The following PDC variants were observed in gnomAD, a reference collection of about 807,000 sequenced individuals.
PDC encodes 33 kDa phototransducing protein.
A neutral mutation model predicts 22.2 loss-of-function variants in PDC; 19 were observed. The ratio of observed to expected loss-of-function variants is 0.86; its 90% confidence interval spans 0.60 to 1.26. The LOEUF is 1.26. Ranked by LOEUF, PDC falls within the 50% of genes most tolerant of loss-of-function variation. PDC has a pLI of 0.00. For synonymous variants in PDC, 97 were observed against 96.2 expected (o/e 1.01, Z -0.05); for missense variants, 274 against 286.8 (o/e 0.96, Z 0.32).
At chr1:186,450,756 C>T (rs1571723340) in intron 1 of PDC, among the ~76,000 whole-genome samples, 1 of 152,180 alleles carries the variant, frequency 6.6e-6, no homozygotes, top group African/African-American at 2.4e-5. Flanking sequence ...GGTTCACACT[C>T]ATATCAAATC....
intron 1 of PDC, among the ~76,000 whole-genome samples, chr1:186,459,102 C>A (rs578226956): frequency 1.3e-3 from 201 of 152,200 alleles, no homozygotes; most frequent in Middle Eastern, 6.8e-3. Flanking sequence ...GCGCAGGTTG[C>A]AGTGAGCCGA....
Position 186,449,766 on chromosome 1 carries a change from C to T in PDC, c.-24-283G>A, listed in dbSNP as rs188425978. ...TTGTCTTTTCTTAACTCAAGCCTTCCAGTTAAGTCTATGTGGTTAGTGAAC... is the reference window on the plus strand; with the variant it reads ...TTGTCTTTTCTTAACTCAAGCCTTCTAGTTAAGTCTATGTGGTTAGTGAAC... On this transcript the variant is annotated intron_variant, in intron 1 of 3. Transcript: ENST00000391997. Among the ~76,000 whole-genome samples the T allele has an allele frequency of 2.7e-3, 405 of 152,118 alleles. 3 individuals are homozygous for T. The highest frequency in any genetic ancestry group is 1.0e-3 in the Non-Finnish European group (70 of 67,976).
At chr1:186,446,363 A>G (rs1485621788) in intron 3 of PDC, 63 bp downstream of exon 3, 3 of 1,219,354 alleles carry the variant, frequency 2.5e-6, no homozygotes, top group Non-Finnish European at 3.4e-6. Flanking sequence ...GTGATTCTCT[A>G]GATTGATTTA....
chr1:186,460,092 G>A (rs1361251435), intron 1 of PDC, among the ~76,000 whole-genome samples: 9 of 151,792 alleles, frequency 5.9e-5, no homozygotes, highest in Admixed American at 3.3e-4. Context: ...ACAAACCACC[G>A]CCACAACAAC....
Position 186,453,697 on chromosome 1 carries a change from C to T in PDC, c.-24-4214G>A, listed in dbSNP as rs182505676. 1.2e-3 allele frequency among the ~76,000 whole-genome samples: 187 copies of T among 152,230 alleles called. 1 individual carries two copies. The highest frequency in any genetic ancestry group is 0.01 in the Middle Eastern group (3 of 294). On this transcript the variant is annotated intron_variant, in intron 1 of 3. Coordinates refer to ENST00000391997, the MANE Select transcript of PDC (RefSeq NM_002597.5). ...TACTTCTTGTTGTACCTCTTATAAT[C>T]GTTTCATACATTGTAAATACTTCAT...
chr1:186,449,055 T>A (rs1662294039), intron 2 of PDC, among the ~76,000 whole-genome samples: 1 of 152,086 alleles, frequency 6.6e-6, no homozygotes, highest in Admixed American at 6.5e-5. Context: ...CCTTTTGGTC[T>A]AATCTTGTTT....
In PDC at chr1:186,444,476, T is replaced by C. The variant is rs1194730753; in HGVS notation, c.244A>G (p.Lys82Glu). The C allele has an allele frequency of 1.0e-5, 16 of 1,603,602 alleles. No individual in the cohort carries two copies. The highest frequency in any genetic ancestry group is 1.4e-5 in the Non-Finnish European group (16 of 1,171,308). ...AGGCAGTTTTCATCCTCTTTCTCTT[T>C]ATGGATTAGTTCATATTCTTGAATG... The part of the protein sequence containing the change: ...MSIQEYELIH[K>E]EKEDENCLRK... The change falls in exon 4 of 4, where the codon AAA becomes GAA. Residue 82 changes from lysine (K) to glutamate (E), a missense_variant. Coordinates refer to ENST00000391997, the MANE Select transcript of PDC (RefSeq NM_002597.5).
At chr1:186,446,965 A>G (rs899434658) in intron 2 of PDC, among the ~76,000 whole-genome samples, 3 of 152,176 alleles carry the variant, frequency 2.0e-5, no homozygotes, top group Non-Finnish European at 4.4e-5. Flanking sequence ...TTGGCATTAC[A>G]GTATTAATAA....
intron 1 of PDC, among the ~76,000 whole-genome samples, chr1:186,459,490 CAT>C (rs1340656960): frequency 2.6e-5 from 4 of 152,122 alleles, no homozygotes; most frequent in Admixed American, 2.6e-4. Flanking sequence ...TTTAGAAATT[CAT>C]AACAGCCATC....
intron 1 of PDC, among the ~76,000 whole-genome samples, chr1:186,457,795 ATGT>A (rs1662498702): frequency 6.6e-6 from 1 of 152,176 alleles, no homozygotes; most frequent in Non-Finnish European, 1.5e-5. Flanking sequence ...CAGTCAGCAA[ATGT>A]TTGTTTTCTT....
rs771051369 is a variant in PDC at position 186,444,394 on chromosome 1, G to A, written c.326C>T (p.Pro109Leu). 1.2e-6 allele frequency: 2 copies of A among 1,613,916 alleles called. No homozygotes were observed. Among genetic ancestry groups the A allele is most frequent in the East Asian group, 2.2e-5 (1 of 44,874 alleles). The change falls in exon 4 of 4, where the codon CCT becomes CTT. Residue 109 changes from proline to leucine, a missense_variant. Transcript: ENST00000391997. ...QDMHQKLSFG[P>L]RYGFVYELET... ...CAGCTCATACACAAACCCATATCTAGGCCCAAAACTCAGCTTCTGGTGCAT... is the reference window on the plus strand; with the variant it reads ...CAGCTCATACACAAACCCATATCTAAGCCCAAAACTCAGCTTCTGGTGCAT...
At chr1:186,459,752 G>A (rs368230062) in intron 1 of PDC, among the ~76,000 whole-genome samples, 12 of 112,110 alleles carry the variant, frequency 1.1e-4, no homozygotes, top group Admixed American at 2.8e-4. Context: ...GTGTGTGTGT[G>A]TATATATATA....
At position 186,444,252 on chromosome 1, in the gene PDC, T is replaced by TGTTA. The variant is rs1662171695; in HGVS notation, c.464_467dup (p.Cys157AsnfsTer11). Reference sequence around the variant, plus strand: ...CTATAGGGTATTCTGCTGCAAGGCATGTTAAACTACTGTTTAGAGCATCAC... The same window carrying TGTTA: ...CTATAGGGTATTCTGCTGCAAGGCATGTTAGTTAAACTACTGTTTAGAGCATCAC... On this transcript the variant is annotated frameshift_variant, in exon 4 of 4. Transcript: ENST00000391997. LOFTEE classifies it high-confidence loss of function. The TGTTA allele has an allele frequency of 1.2e-6, 2 of 1,614,104 alleles. No homozygotes were observed. Among genetic ancestry groups the TGTTA allele is most frequent in the Non-Finnish European group, 8.5e-7 (1 of 1,179,976 alleles).
At position 186,444,333 on chromosome 1, in the gene PDC, C is replaced by T. The variant is rs1194535031; in HGVS notation, c.387G>A (p.Lys129=). The change falls in exon 4 of 4, where the codon AAG becomes AAA. Residue 129 remains lysine (K), a synonymous_variant. Transcript: ENST00000391997. ...TGKQFLETIE[K]ELKITTIVVH... is the part of the protein sequence containing the mutation. ...CAACAATTGTGGTGATCTTCAGTTC[C>T]TTTTCAATTGTTTCTAGGAATTGCT... 7 of 1,613,886 alleles carry T rather than the reference C, an allele frequency of 4.3e-6. No individual in the cohort carries two copies. Among genetic ancestry groups the T allele is most frequent in the African/African-American group, 2.7e-5 (2 of 74,908 alleles).
At chr1:186,452,279 C>T (rs577452562) in intron 1 of PDC, among the ~76,000 whole-genome samples, 2 of 152,170 alleles carry the variant, frequency 1.3e-5, no homozygotes, top group Non-Finnish European at 2.9e-5. Flanking sequence ...CACTCTGTTG[C>T]CCAGGCTGGA....
At chr1:186,448,639 TG>T in intron 2 of PDC, 1 of 893,304 alleles carries the variant, frequency 1.1e-6, no homozygotes, top group Non-Finnish European at 1.3e-6. Context: ...TTTTCTTCAA[TG>T]GTCTTTTTGT....
At chr1:186,447,366 C>G (rs1195801960) in intron 2 of PDC, among the ~76,000 whole-genome samples, 1 of 152,068 alleles carries the variant, frequency 6.6e-6, no homozygotes, top group Non-Finnish European at 1.5e-5. Context: ...CCAGGCTGGT[C>G]TTGAACTGCT....
chr1:186,446,173 G>T (rs368421891), intron 3 of PDC, among the ~76,000 whole-genome samples: 2 of 152,142 alleles, frequency 1.3e-5, no homozygotes, highest in Non-Finnish European at 2.9e-5. Context: ...GGAATTCTCT[G>T]TATGTTGCTT....
rs1013081622 is a variant in PDC at position 186,444,266 on chromosome 1, T to A, written c.454A>T (p.Asn152Tyr). ...EDGIKGCDAL[N>Y]SSLTCLAAEY... ...GCTGCAAGGCATGTTAAACTACTGT[T>A]TAGAGCATCACAACCCTTAATACCA... The change falls in exon 4 of 4, where the codon AAC (asparagine) becomes TAC (tyrosine). Residue 152 changes from asparagine to tyrosine, a missense_variant. Physicochemically the swap from Asn to Tyr is moderately radical, Grantham distance 143 (BLOSUM62 -2). Transcript: ENST00000391997. The A allele has an allele frequency of 1.2e-6, 2 of 1,613,924 alleles. No homozygotes were observed. The highest frequency in any genetic ancestry group is 1.7e-6 in the Non-Finnish European group (2 of 1,179,932).
Sources: gnomAD v4.1 joint callset for allele counts (sites outside exome capture counted in the v4.1 genomes callset) on GRCh38, gnomAD v4.1.1 for gene constraint, MANE v1.5 for transcripts, NCBI Gene and HGNC (gene_info 2026-07-23, HGNC 2026-07-21) for gene names.